Variants in RASA2 observed in about 807,000 individuals in gnomAD.
RASA2 encodes RAS p21 protein activator 2.
In RASA2, 155 loss-of-function variants were observed where a neutral mutation model predicts 118.2. That is an observed-to-expected ratio of 1.31 (90% CI 1.15 to 1.50). The LOEUF is 1.50. Ranked by LOEUF, RASA2 falls within the 40% of genes most tolerant of loss-of-function variation. The pLI is 0.00. For synonymous variants in RASA2, 353 were observed against 349.1 expected, an observed-to-expected ratio of 1.01 and a Z score of -0.12; for missense variants, 1,016 against 1,009.6, an observed-to-expected ratio of 1.01 and a Z score of -0.09.
chr3:141,530,985 A>C (rs2082251480), intron 4 of RASA2, among the ~76,000 whole-genome samples: 1 of 152,112 alleles, frequency 6.6e-6, no homozygotes, highest in African/African-American at 2.4e-5. Flanking sequence ...AAGTGGGAAT[A>C]AAAGTTGCTG....
At chr3:141,528,129 G>A (rs556354716) in intron 3 of RASA2, among the ~76,000 whole-genome samples, 3 of 151,554 alleles carry the variant, frequency 2.0e-5, no homozygotes, top group Non-Finnish European at 4.4e-5. Flanking sequence ...GGCCTCCTTC[G>A]ATTGTATTTT....
intron 3 of RASA2, among the ~76,000 whole-genome samples, chr3:141,525,520 C>T (rs968636855): frequency 1.3e-5 from 2 of 151,996 alleles, no homozygotes; most frequent in African/African-American, 4.8e-5. Flanking sequence ...AAATAGTAAT[C>T]AACAACTGGC....
chr3:141,592,536 G>T (rs1203800129), intron 19 of RASA2, among the ~76,000 whole-genome samples: 1 of 152,132 alleles, frequency 6.6e-6, no homozygotes, highest in African/African-American at 2.4e-5. Flanking sequence ...GTCTTAATAG[G>T]GTAACTTATG....
chr3:141,553,970 TA>T, intron 6 of RASA2, 30 bp downstream of exon 6: 1 of 1,577,806 alleles, frequency 6.3e-7, no homozygotes, highest in African/African-American at 1.4e-5. Context: ...TATTAGGTTT[TA>T]AAGTTTTGAT....
At chr3:141,492,080 A>G (rs957764382) in intron 1 of RASA2, among the ~76,000 whole-genome samples, 4 of 152,222 alleles carry the variant, frequency 2.6e-5, no homozygotes, top group African/African-American at 9.6e-5. Flanking sequence ...GGTTCTTTGT[A>G]AAAGTTCACA....
chr3:141,554,285 A>G (rs1394974779), intron 6 of RASA2, among the ~76,000 whole-genome samples: 1 of 152,224 alleles, frequency 6.6e-6, no homozygotes, highest in Admixed American at 6.5e-5. Context: ...TGCATGTAAA[A>G]TCCTGTTTTA....
intron 1 of RASA2, among the ~76,000 whole-genome samples, chr3:141,490,126 A>G (rs376598267): frequency 1.2e-3 from 180 of 152,180 alleles, no homozygotes; most frequent in African/African-American, 4.1e-3. Context: ...AGTTTGCGCT[A>G]GGAAACCATG....
intron 3 of RASA2, among the ~76,000 whole-genome samples, chr3:141,527,259 A>G (rs2082198097): frequency 6.6e-6 from 1 of 152,326 alleles, no homozygotes; most frequent in East Asian, 1.9e-4. Context: ...ACATCTATAT[A>G]CATATTCATA....
At position 141,614,187 on chromosome 3, in the gene RASA2, C is replaced by T. The variant is rs1559802204; in HGVS notation, c.*1874C>T. ...TCTAGCATTTCTAATACCAAATCCC[C>T]AATTGTGATTGTTTTAAAGATCATG... On this transcript the variant is annotated 3_prime_UTR_variant, in exon 24 of 24. Transcript: ENST00000286364. The T allele has an allele frequency of 6.6e-6, 1 of 151,790 alleles. No individual in the cohort carries two copies. The highest frequency in any genetic ancestry group is 1.5e-5 in the Non-Finnish European group (1 of 67,960). 9.4% of individuals were successfully genotyped at this position (151,790 alleles called of 1,614,324 possible). A position where few individuals can be genotyped will look rare whatever the true frequency, so the allele number is the denominator to read the frequency against.
intron 23 of RASA2, among the ~76,000 whole-genome samples, chr3:141,610,470 T>G (rs1174865112): frequency 8.7e-6 from 1 of 114,900 alleles, no homozygotes; most frequent in Admixed American, 1.2e-4. Flanking sequence ...TTATATATTA[T>G]ATATATAAAT....
At chr3:141,589,878 C>T (rs2083262439) in intron 19 of RASA2, among the ~76,000 whole-genome samples, 1 of 151,788 alleles carries the variant, frequency 6.6e-6, no homozygotes, top group Non-Finnish European at 1.5e-5. Flanking sequence ...TCTGTTCTGT[C>T]CACTGATTTT....
Position 141,571,390 on chromosome 3 carries a change from A to G in RASA2, c.1021-16A>G, listed in dbSNP as rs764191787. 6.2e-6 allele frequency: 10 copies of G among 1,605,882 alleles called. No individual in the cohort carries two copies. Among genetic ancestry groups the G allele is most frequent in the African/African-American group, 1.3e-5 (1 of 74,400 alleles). ...TCCTTGATGTTTGTGCTTGTTTTCT[A>G]CCTTTCTGTATTTAGCCAATATCTG... On this transcript the variant is annotated splice_polypyrimidine_tract_variant and intron_variant, in intron 10 of 23. Coordinates refer to ENST00000286364, the MANE Select transcript of RASA2 (RefSeq NM_006506.5).
intron 3 of RASA2, among the ~76,000 whole-genome samples, chr3:141,522,449 C>G (rs749484579): frequency 1.3e-5 from 2 of 152,194 alleles, no homozygotes; most frequent in East Asian, 1.9e-4. Flanking sequence ...TGAAAGTCTC[C>G]GGGAATGCCA....
chr3:141,572,964 A>T lies in RASA2; in HGVS notation c.1285-183A>T, dbSNP rs532070879. ...CTATTTTAGCTAGAGTTTCAAATATATGACAAATACTTTTTGATATCATGT... is the reference window on the plus strand; with the variant it reads ...CTATTTTAGCTAGAGTTTCAAATATTTGACAAATACTTTTTGATATCATGT... On this transcript the variant is annotated intron_variant, in intron 12 of 23. Coordinates refer to ENST00000286364, the MANE Select transcript of RASA2 (RefSeq NM_006506.5). 2.0e-5 allele frequency among the ~76,000 whole-genome samples: 3 copies of T among 152,328 alleles called. No individual in the cohort carries two copies. In the South Asian group the frequency reaches 6.2e-4, roughly 32 times the overall value.
intron 19 of RASA2, among the ~76,000 whole-genome samples, chr3:141,591,757 C>A (rs2083288296): frequency 6.6e-6 from 1 of 151,084 alleles, no homozygotes; most frequent in South Asian, 2.1e-4. Context: ...CCAGCCCTAC[C>A]CTAGCTCATA....
At chr3:141,562,465 T>C (rs1352167857) in intron 9 of RASA2, among the ~76,000 whole-genome samples, 1 of 148,316 alleles carries the variant, frequency 6.7e-6, no homozygotes, top group Non-Finnish European at 1.5e-5. Flanking sequence ...CTACTAAAAA[T>C]ACAAAAAATT....
chr3:141,537,506 C>G (rs998739306), intron 4 of RASA2, among the ~76,000 whole-genome samples: 6 of 152,076 alleles, frequency 3.9e-5, no homozygotes, highest in African/African-American at 1.4e-4. Flanking sequence ...CAGTGGCTCA[C>G]ACCTGTAATC....
chr3:141,564,060 A>G (rs2082780000), intron 9 of RASA2, among the ~76,000 whole-genome samples: 1 of 151,802 alleles, frequency 6.6e-6, no homozygotes, highest in African/African-American at 2.4e-5. Flanking sequence ...AAACAAGTTT[A>G]GAAAGTATGG....
At position 141,586,664 on chromosome 3, in the gene RASA2, T is replaced by C. The variant is rs781556652; in HGVS notation, c.1845T>C (p.Ala615=). The C allele has an allele frequency of 5.6e-6, 9 of 1,612,116 alleles. No individual in the cohort carries two copies. The highest frequency in any genetic ancestry group is 7.6e-6 in the Non-Finnish European group (9 of 1,178,454). The change falls in exon 19 of 24, where the codon GCT becomes GCC. Residue 615 remains alanine (A), a synonymous_variant. Transcript: ENST00000286364. The part of the protein sequence containing the change: ...HLKEGEMYKR[A]QGRTRIGKKN... The stretch of plus-strand genomic sequence containing the variant: ...TTGGCAGTGAGATGTATAAAAGAGC[T>C]CAAGGAAGAACTCGGATTGGAAAAA...
Sources: allele counts gnomAD v4.1 joint callset (sites outside exome capture counted in the v4.1 genomes callset), GRCh38; gene constraint gnomAD v4.1.1; transcripts MANE v1.5; gene names NCBI Gene and HGNC (gene_info 2026-07-23, HGNC 2026-07-21).